DDX52: variants seen among roughly 807,000 people sequenced by gnomAD.
DDX52 encodes the protein DExD-box helicase 52.
In DDX52, 59 loss-of-function variants were observed where a neutral mutation model predicts 76.1. The observed-to-expected ratio is 0.78, with a 90% CI of 0.63 to 0.96. DDX52 has a LOEUF of 0.96. Among genes scored for constraint, DDX52 ranks in the 40% least tolerant of loss-of-function variants. The pLI is 0.00. For missense variants in DDX52, 707 were observed against 703.9 expected, an observed-to-expected ratio of 1.00 and a Z score of -0.05; for synonymous variants, 231 against 244.1, an observed-to-expected ratio of 0.95 and a Z score of 0.50.
chr17:37,615,839 C>T (rs1036947281), intron 14 of DDX52, among the ~76,000 whole-genome samples: 1 of 151,910 alleles, frequency 6.6e-6, no homozygotes, highest in African/African-American at 2.4e-5. Flanking sequence ...CATGGTGAAA[C>T]CCCGTCTCTA....
intron 11 of DDX52, 65 bp from the exon 12 acceptor site, chr17:37,621,013 TAA>T: frequency 3.2e-6 from 5 of 1,560,312 alleles, no homozygotes; most frequent in Non-Finnish European, 3.4e-6. Context: ...AATTCATTTA[TAA>T]AAGTCACTGG....
At chr17:37,641,461 G>T (rs1024093452) in intron 2 of DDX52, among the ~76,000 whole-genome samples, 2 of 152,056 alleles carry the variant, frequency 1.3e-5, no homozygotes, top group South Asian at 4.1e-4. Flanking sequence ...GTTTCAGGCA[G>T]GGCGCGGTGG....
chr17:37,629,963 C>T, intron 5 of DDX52, 67 bp downstream of exon 5: 6 of 1,545,158 alleles, frequency 3.9e-6, no homozygotes, highest in Non-Finnish European at 5.2e-6. Flanking sequence ...CTTTTTATTA[C>T]CTTCAAATAA....
chr17:37,619,144 C>T (rs2029945626), intron 13 of DDX52, among the ~76,000 whole-genome samples: 1 of 151,960 alleles, frequency 6.6e-6, no homozygotes, highest in Admixed American at 6.6e-5. Context: ...TTTGGGAGGC[C>T]CAGGTGGGCA....
At chr17:37,618,731 C>T (rs1199896791) in intron 13 of DDX52, among the ~76,000 whole-genome samples, 4 of 152,120 alleles carry the variant, frequency 2.6e-5, no homozygotes, top group Non-Finnish European at 5.9e-5. Context: ...AGGTCCCGCC[C>T]GCCTCGGCCT....
intron 13 of DDX52, among the ~76,000 whole-genome samples, chr17:37,618,605 C>T (rs1411797739): frequency 6.6e-6 from 1 of 152,096 alleles, no homozygotes; most frequent in Non-Finnish European, 1.5e-5. Flanking sequence ...CCTCAGCTTC[C>T]CAAGTAGCTG....
At chr17:37,627,175 A>T (rs142473677) in intron 6 of DDX52, among the ~76,000 whole-genome samples, 1,703 of 152,180 alleles carry the variant, frequency 0.011, 27 homozygotes, top group African/African-American at 0.039. Flanking sequence ...GACTACAGGC[A>T]CATGCCACTG....
At chr17:37,616,450 C>T (rs537870715) in intron 14 of DDX52, among the ~76,000 whole-genome samples, 1 of 152,110 alleles carries the variant, frequency 6.6e-6, no homozygotes, top group Admixed American at 6.5e-5. Flanking sequence ...TTTGAGAGTT[C>T]GAGACCATCT....
Position 37,610,856 on chromosome 17 carries a change from T to C in DDX52, c.*3440A>G, listed in dbSNP as rs1055688013. 6.6e-6 allele frequency: 1 copy of C among 152,238 alleles called. No homozygotes were observed. The highest frequency in any genetic ancestry group is 1.5e-5 in the Non-Finnish European group (1 of 68,034). The allele number at this position is 152,238 out of a possible 1,614,324, so 9.4% of individuals were successfully genotyped here. A position where few individuals can be genotyped will look rare whatever the true frequency, so the allele number is the denominator to read the frequency against. ...TTTGCTGTAACTGCCTGTTCACTAA[T>C]TTCACTCCTTCCCTTCCTTGTGTGA... On this transcript the variant is annotated 3_prime_UTR_variant, in exon 15 of 15. Coordinates refer to ENST00000617633, the MANE Select transcript of DDX52 (RefSeq NM_007010.5).
At chr17:37,614,454 G>T in intron 14 of DDX52, 101 bp from the exon 15 acceptor site, 1 of 1,147,436 alleles carries the variant, frequency 8.7e-7, no homozygotes, top group Non-Finnish European at 1.2e-6. Context: ...GAAACCTACT[G>T]TGTATCAAAT....
chr17:37,625,943 C>G lies in DDX52; in HGVS notation c.1088G>C (p.Trp363Ser). Residue 363 changes from tryptophan (W) to serine (S), a missense_variant, in exon 8 of 15, where the codon TGG becomes TCG. Physicochemically the swap from Trp to Ser is radical, Grantham distance 177 (BLOSUM62 -3). Transcript: ENST00000617633. ...SATFAYDVEQ[W>S]CKLNLDNVIS... ...GACATTGTCCAGGTTGAGTTTGCACCACTGTTCAACATCATATGCAAAAGT... is the reference window on the plus strand; with the variant it reads ...GACATTGTCCAGGTTGAGTTTGCACGACTGTTCAACATCATATGCAAAAGT... 6.2e-7 allele frequency: 1 copy of G among 1,614,080 alleles called. No individual in the cohort carries two copies. The highest frequency in any genetic ancestry group is 8.5e-7 in the Non-Finnish European group (1 of 1,180,008).
intron 3 of DDX52, 59 bp from the exon 4 acceptor site, chr17:37,632,357 G>A (rs2030723708): frequency 6.3e-7 from 1 of 1,579,592 alleles, no homozygotes. Flanking sequence ...ATTCTCAGAT[G>A]TTATAAAGCA....
At chr17:37,628,998 A>G (rs961837338) in intron 5 of DDX52, among the ~76,000 whole-genome samples, 1 of 152,172 alleles carries the variant, frequency 6.6e-6, no homozygotes. Flanking sequence ...TGGGTGGATC[A>G]CTTGAGGCCA....
rs777910042 is a variant in DDX52, at chr17:37,625,917, T to C, written c.1114A>G (p.Ile372Val). 1.2e-6 allele frequency: 2 copies of C among 1,614,096 alleles called. No individual in the cohort carries two copies. Among genetic ancestry groups the C allele is most frequent in the South Asian group, 1.1e-5 (1 of 91,080 alleles). The change falls in exon 8 of 15, where the codon ATC becomes GTC. Residue 372 changes from isoleucine to valine, a missense_variant. Coordinates refer to ENST00000617633, the MANE Select transcript of DDX52 (RefSeq NM_007010.5). The stretch of plus-strand genomic sequence containing the variant: ...TACCTTGCTCCAATGGACACACTGA[T>C]GACATTGTCCAGGTTGAGTTTGCAC... ...QWCKLNLDNV[I>V]SVSIGARNSA...
chr17:37,636,102 C>T (rs1341566961), intron 2 of DDX52, among the ~76,000 whole-genome samples: 2 of 152,024 alleles, frequency 1.3e-5, no homozygotes, highest in East Asian at 1.9e-4. Context: ...TTTTTAGTTT[C>T]GATAAGTCCA....
intron 9 of DDX52, among the ~76,000 whole-genome samples, chr17:37,623,816 C>T (rs1169223293): frequency 1.3e-5 from 2 of 152,212 alleles, no homozygotes; most frequent in African/African-American, 4.8e-5. Context: ...TTTTATCCCT[C>T]TAAACAAGAC....
intron 6 of DDX52, among the ~76,000 whole-genome samples, chr17:37,627,913 A>G (rs1043086565): frequency 6.6e-6 from 1 of 152,006 alleles, no homozygotes; most frequent in African/African-American, 2.4e-5. Context: ...GACTACAGGC[A>G]TGCACCACCA....
intron 2 of DDX52, among the ~76,000 whole-genome samples, chr17:37,633,709 A>AAGCCC (rs1227037972): frequency 6.6e-6 from 1 of 151,948 alleles, no homozygotes; most frequent in Non-Finnish European, 1.5e-5. Context: ...TGTAGCAAGA[A>AAGCCC]AGCCATACCT....
chr17:37,643,246 A>G, intron 1 of DDX52, 88 bp downstream of exon 1: 1 of 1,419,834 alleles, frequency 7.0e-7, no homozygotes, highest in Non-Finnish European at 9.6e-7. Flanking sequence ...CGGGTGTCCA[A>G]GTGCGCCGGC....
Sources: gnomAD v4.1 joint callset for allele counts (sites outside exome capture counted in the v4.1 genomes callset) on GRCh38, gnomAD v4.1.1 for gene constraint, MANE v1.5 for transcripts, NCBI Gene and HGNC (gene_info 2026-07-23, HGNC 2026-07-21) for gene names.